ADAMTS6: variants seen among roughly 807,000 people sequenced by gnomAD.
The protein encoded by ADAMTS6 is A disintegrin and metalloproteinase with thrombospondin motifs 6.
In ADAMTS6, 23 loss-of-function variants were observed where a neutral mutation model predicts 144.3. The ratio of observed to expected loss-of-function variants is 0.16; its 90% CI spans 0.11 to 0.23. The LOEUF is 0.23. Among genes scored for constraint, ADAMTS6 ranks in the 10% least tolerant of loss-of-function variants. ADAMTS6 has a pLI of 1.00. For missense variants in ADAMTS6, 999 were observed against 1,379.6 expected (o/e 0.72, Z 4.37); for synonymous variants, 444 against 457.5 (o/e 0.97, Z 0.38).
At chr5:65,334,154 T>A (rs1442695065) in intron 7 of ADAMTS6, 69 bp from the exon 8 acceptor site, 9 of 1,452,938 alleles carry the variant, frequency 6.2e-6, no homozygotes, top group Non-Finnish European at 7.4e-6. Flanking sequence ...ATATTCATCA[T>A]ACTTCTCTCC....
At chr5:65,266,477 A>T (rs1761639020) in intron 12 of ADAMTS6, among the ~76,000 whole-genome samples, 1 of 151,966 alleles carries the variant, frequency 6.6e-6, no homozygotes, top group Non-Finnish European at 1.5e-5. Flanking sequence ...GCAGTTGACA[A>T]GAGTGTAGTC....
chr5:65,238,772 A>G (rs1298231480), intron 15 of ADAMTS6, among the ~76,000 whole-genome samples: 1 of 152,204 alleles, frequency 6.6e-6, no homozygotes, highest in Non-Finnish European at 1.5e-5. Flanking sequence ...GGAAAAACAT[A>G]GCTGGGAGAA....
chr5:65,151,806 G>C lies in ADAMTS6; in HGVS notation c.*30C>G. Reference sequence around the variant, plus strand: ...GATGGATGCATTTCCATGATGAAATGACAAGGCACTCTCTCTGGCTTTCTG... The same window carrying C: ...GATGGATGCATTTCCATGATGAAATCACAAGGCACTCTCTCTGGCTTTCTG... On this transcript the variant is annotated 3_prime_UTR_variant, in exon 25 of 25. Transcript: ENST00000381055. 1.3e-6 allele frequency: 2 copies of C among 1,576,986 alleles called. No homozygotes were observed. Among genetic ancestry groups the C allele is most frequent in the Non-Finnish European group, 1.7e-6 (2 of 1,148,014 alleles).
At chr5:65,291,209 G>A (rs1742266719) in intron 11 of ADAMTS6, 120 bp downstream of exon 11, 2 of 1,215,946 alleles carry the variant, frequency 1.6e-6, no homozygotes, top group Non-Finnish European at 2.2e-6. Context: ...AGTGTCAAAA[G>A]CCATATTTAA....
At chr5:65,235,080 T>C (rs1159111679) in intron 15 of ADAMTS6, among the ~76,000 whole-genome samples, 2 of 152,046 alleles carry the variant, frequency 1.3e-5, no homozygotes, top group African/African-American at 4.8e-5. Flanking sequence ...TGGGTGGAAA[T>C]AGGGAGATGT....
At chr5:65,354,692 GAAT>G (rs1298266182) in intron 7 of ADAMTS6, among the ~76,000 whole-genome samples, 1 of 151,172 alleles carries the variant, frequency 6.6e-6, no homozygotes, top group Non-Finnish European at 1.5e-5. Context: ...TTTAATTTAG[GAAT>G]AATATCTCTT....
At chr5:65,320,679 A>G (rs1290695137) in intron 9 of ADAMTS6, among the ~76,000 whole-genome samples, 4 of 152,028 alleles carry the variant, frequency 2.6e-5, no homozygotes. Context: ...TAAAAAGCCT[A>G]GTACCCGTTA....
At chr5:65,451,748 T>C in intron 6 of ADAMTS6, 128 bp from the exon 7 acceptor site, 1 of 1,106,080 alleles carries the variant, frequency 9.0e-7, no homozygotes, top group Non-Finnish European at 1.3e-6. Context: ...TTGCCAATTT[T>C]TATCTCTGTA....
At chr5:65,211,256 A>T (rs1756512990) in intron 20 of ADAMTS6, among the ~76,000 whole-genome samples, 1 of 152,226 alleles carries the variant, frequency 6.6e-6, no homozygotes, top group Admixed American at 6.5e-5. Flanking sequence ...GAGCAACTTC[A>T]ACAATTGATT....
At chr5:65,481,096 C>T (rs574946668) in intron 1 of ADAMTS6, among the ~76,000 whole-genome samples, 13 of 124,734 alleles carry the variant, frequency 1.0e-4, no homozygotes, top group African/African-American at 4.4e-4. Context: ...ATAAAATAAA[C>T]GTATTTTTTT....
chr5:65,368,434 A>G (rs1226497066), intron 7 of ADAMTS6, among the ~76,000 whole-genome samples: 1 of 152,186 alleles, frequency 6.6e-6, no homozygotes, highest in Non-Finnish European at 1.5e-5. Context: ...GCCTTCCTCT[A>G]CTAAAGAGAC....
chr5:65,159,708 C>T (rs532982452), intron 24 of ADAMTS6, among the ~76,000 whole-genome samples: 11 of 152,312 alleles, frequency 7.2e-5, no homozygotes, highest in African/African-American at 2.4e-4. Context: ...CCTACTAAAC[C>T]TTTGAGAACA....
intron 7 of ADAMTS6, among the ~76,000 whole-genome samples, chr5:65,419,393 C>T (rs2150195949): frequency 1.3e-5 from 2 of 152,130 alleles, no homozygotes; most frequent in South Asian, 2.1e-4. Context: ...TTGAGAACTA[C>T]TACAGGACAG....
chr5:65,341,012 T>A (rs1229285177), intron 7 of ADAMTS6, among the ~76,000 whole-genome samples: 1 of 151,880 alleles, frequency 6.6e-6, no homozygotes, highest in Non-Finnish European at 1.5e-5. Context: ...GGACAGATCA[T>A]CTAGACAGAA....
chr5:65,332,559 T>C (rs1390177212), intron 8 of ADAMTS6, among the ~76,000 whole-genome samples: 2 of 152,000 alleles, frequency 1.3e-5, no homozygotes, highest in Admixed American at 6.6e-5. Context: ...CATTAAATAA[T>C]ACCAGTTCAT....
intron 9 of ADAMTS6, among the ~76,000 whole-genome samples, chr5:65,317,844 C>T (rs930774270): frequency 8.5e-5 from 13 of 152,058 alleles, no homozygotes; most frequent in Admixed American, 2.0e-4. Context: ...GAGGCCGAGG[C>T]GGGTGGATCA....
chr5:65,215,182 T>A, intron 19 of ADAMTS6, 142 bp downstream of exon 19: 1 of 1,092,072 alleles, frequency 9.2e-7, no homozygotes, highest in East Asian at 2.5e-5. Context: ...TCTGCACAGC[T>A]CTAACACCCT....
chr5:65,176,417 G>A (rs537715481), intron 22 of ADAMTS6, among the ~76,000 whole-genome samples: 3 of 152,150 alleles, frequency 2.0e-5, no homozygotes, highest in Non-Finnish European at 4.4e-5. Context: ...GGATTATAAG[G>A]AGGCATAACA....
Position 65,273,310 on chromosome 5 carries a change from G to A in ADAMTS6, c.1620+30C>T, listed in dbSNP as rs199533104. ...AGCAATTTATCACTTTTGTATACAT[G>A]TCAAACAGGTAGTAAATCATTGAGC... On this transcript the variant is annotated intron_variant, in intron 12 of 24. Coordinates refer to ENST00000381055, the MANE Select transcript of ADAMTS6 (RefSeq NM_197941.4). The A allele has an allele frequency of 4.9e-4, 778 of 1,590,906 alleles. 2 individuals carry two copies. The highest frequency in any genetic ancestry group is 6.4e-4 in the Non-Finnish European group (738 of 1,159,326).
Sources: gnomAD v4.1 joint callset for allele counts (sites outside exome capture counted in the v4.1 genomes callset) on GRCh38, gnomAD v4.1.1 for gene constraint, MANE v1.5 for transcripts, NCBI Gene and HGNC (gene_info 2026-07-23, HGNC 2026-07-21) for gene names.